The following GSK3B variants were observed in gnomAD, a reference collection of about 807,000 sequenced individuals.
The protein encoded by GSK3B is glycogen synthase kinase 3 beta.
A neutral mutation model predicts 56.4 loss-of-function variants in GSK3B; 15 were observed. The observed-to-expected ratio is 0.27, with a 90% CI of 0.18 to 0.41. GSK3B has a LOEUF of 0.41. Ranked by LOEUF, GSK3B falls within the 10% of genes least tolerant of loss-of-function variation. The pLI is 1.00. For missense variants in GSK3B, 300 were observed against 513.4 expected (o/e 0.58, Z 4.02); for synonymous variants, 181 against 188.9 (o/e 0.96, Z 0.34).
intron 2 of GSK3B, among the ~76,000 whole-genome samples, chr3:119,990,681 C>A (rs908439473): frequency 1.3e-5 from 2 of 152,208 alleles, no homozygotes; most frequent in African/African-American, 4.8e-5. Flanking sequence ...GTAATCCCAG[C>A]ACTTTGGGAG....
intron 1 of GSK3B, among the ~76,000 whole-genome samples, chr3:120,091,801 C>T (rs1052333795): frequency 6.6e-6 from 1 of 151,736 alleles, no homozygotes; most frequent in Non-Finnish European, 1.5e-5. Context: ...CCTACCCGGG[C>T]ATTCTCTACT....
At chr3:119,850,886 T>C (rs568849298) in intron 9 of GSK3B, among the ~76,000 whole-genome samples, 1 of 152,116 alleles carries the variant, frequency 6.6e-6, no homozygotes, top group East Asian at 1.9e-4. Context: ...AGGTCCATAA[T>C]GAAGTGGGAC....
intron 2 of GSK3B, among the ~76,000 whole-genome samples, chr3:119,985,338 G>A (rs1348985887): frequency 6.6e-6 from 1 of 152,132 alleles, no homozygotes; most frequent in African/African-American, 2.4e-5. Context: ...TCTGGTCAGG[G>A]CAATCAGGCA....
intron 2 of GSK3B, among the ~76,000 whole-genome samples, chr3:119,963,625 C>CAAAAAAAAAAAAAAAAAAAAAAAAAA (rs774359104): frequency 1.3e-5 from 1 of 79,192 alleles, no homozygotes; most frequent in African/African-American, 4.4e-5. Context: ...TTCTTCCCCA[C>CAAAAAAAAAAAAAAAAAAAAAAAAAA]AAAAAAAAAA....
chr3:119,875,293 G>C (rs1459255866), intron 8 of GSK3B, among the ~76,000 whole-genome samples: 1 of 152,094 alleles, frequency 6.6e-6, no homozygotes, highest in East Asian at 1.9e-4. Flanking sequence ...CTGATTAAGA[G>C]AGAGAGAGAG....
intron 2 of GSK3B, among the ~76,000 whole-genome samples, chr3:119,992,291 G>T (rs758730905): frequency 6.6e-6 from 1 of 152,056 alleles, no homozygotes; most frequent in Admixed American, 6.5e-5. Context: ...GAATAAAATG[G>T]AAAGTCCAGA....
chr3:119,967,558 A>G (rs1457201256), intron 2 of GSK3B, among the ~76,000 whole-genome samples: 1 of 152,188 alleles, frequency 6.6e-6, no homozygotes, highest in Non-Finnish European at 1.5e-5. Context: ...GACATATGTT[A>G]TCAATCAATG....
At chr3:119,870,891 T>C (rs2056242713) in intron 8 of GSK3B, among the ~76,000 whole-genome samples, 1 of 152,182 alleles carries the variant, frequency 6.6e-6, no homozygotes, top group Non-Finnish European at 1.5e-5. Flanking sequence ...TTTTATGCTT[T>C]CTGGAATACA....
chr3:120,079,966 CA>C (rs2058404114), intron 1 of GSK3B, among the ~76,000 whole-genome samples: 1 of 152,038 alleles, frequency 6.6e-6, no homozygotes, highest in Admixed American at 6.6e-5. Flanking sequence ...TTTTCAAAAC[CA>C]AATACAGAAA....
At chr3:119,855,747 C>G (rs1229298343) in intron 9 of GSK3B, among the ~76,000 whole-genome samples, 1 of 151,762 alleles carries the variant, frequency 6.6e-6, no homozygotes, top group Non-Finnish European at 1.5e-5. Context: ...CCAAACACTG[C>G]ATGTTCTCAC....
At chr3:119,947,193 G>A (rs2057109016) in intron 3 of GSK3B, 75 bp downstream of exon 3, 17 of 887,684 alleles carry the variant, frequency 1.9e-5, no homozygotes, top group Non-Finnish European at 3.0e-5. Context: ...CTGTCTATGA[G>A]CGGTGGGGAG....
chr3:120,085,362 A>C (rs2058455136), intron 1 of GSK3B, among the ~76,000 whole-genome samples: 1 of 152,162 alleles, frequency 6.6e-6, no homozygotes, highest in Non-Finnish European at 1.5e-5. Flanking sequence ...CCTGAATTCC[A>C]CTAGGGCAAA....
intron 2 of GSK3B, among the ~76,000 whole-genome samples, chr3:120,000,875 G>C (rs1055203253): frequency 2.0e-5 from 3 of 146,692 alleles, no homozygotes; most frequent in African/African-American, 7.5e-5. Flanking sequence ...AATATGGTTT[G>C]GATGTTTATC....
Position 119,843,331 on chromosome 3 carries a change from C to T in GSK3B, c.1119G>A (p.Leu373=). ...TTQELSSNPP[L]ATILIPPHAR... ...CATGAGGAGGAATAAGGATGGTAGCCAGAGGTGGATTACTTGACAGTTCTA... is the reference window on the plus strand; with the variant it reads ...CATGAGGAGGAATAAGGATGGTAGCTAGAGGTGGATTACTTGACAGTTCTA... Residue 373 remains leucine, a synonymous_variant, in exon 10 of 11, where the codon CTG becomes CTA. Coordinates refer to ENST00000264235, the MANE Select transcript of GSK3B (RefSeq NM_001146156.2). The T allele has an allele frequency of 1.2e-6, 2 of 1,608,494 alleles. No homozygotes were observed. Among genetic ancestry groups the T allele is most frequent in the Non-Finnish European group, 1.7e-6 (2 of 1,175,628 alleles).
At chr3:120,022,877 T>TTGG (rs1312689362) in intron 1 of GSK3B, among the ~76,000 whole-genome samples, 2 of 152,232 alleles carry the variant, frequency 1.3e-5, no homozygotes, top group African/African-American at 2.4e-5. Context: ...AATCCTCTTA[T>TTGG]TGGTGGGTCA....
chr3:119,851,537 GCAAT>G (rs1341828447), intron 9 of GSK3B, among the ~76,000 whole-genome samples: 1 of 152,130 alleles, frequency 6.6e-6, no homozygotes, highest in Non-Finnish European at 1.5e-5. Flanking sequence ...TTTGAGAGCA[GCAAT>G]CAATGTGTGA....
intron 3 of GSK3B, among the ~76,000 whole-genome samples, chr3:119,937,104 G>A (rs1424952144): frequency 1.3e-5 from 2 of 152,082 alleles, no homozygotes; most frequent in African/African-American, 4.8e-5. Flanking sequence ...ATTCACAAAT[G>A]TGTGGAAATT....
rs2055478040 is a variant in GSK3B, at chr3:119,824,929, C to T, written c.*1859G>A. On this transcript the variant is annotated 3_prime_UTR_variant, in exon 11 of 11. Transcript: ENST00000264235. ...GAGCAGGACAGGGTGCTAGGGCCTGCAGGAGGGCTGCCAACAGACTCCACT... is the reference window on the plus strand; with the variant it reads ...GAGCAGGACAGGGTGCTAGGGCCTGTAGGAGGGCTGCCAACAGACTCCACT... 1 of 180,988 alleles carries T rather than the reference C, an allele frequency of 5.5e-6. No individual in the cohort carries two copies. The highest frequency in any genetic ancestry group is 1.2e-5 in the Non-Finnish European group (1 of 84,732). The allele number at this position is 180,988 out of a possible 1,614,324, so 11.2% of individuals were successfully genotyped here.
intron 7 of GSK3B, among the ~76,000 whole-genome samples, chr3:119,898,352 C>T (rs963434851): frequency 3.9e-5 from 6 of 152,030 alleles, no homozygotes; most frequent in Non-Finnish European, 7.4e-5. Flanking sequence ...GAAAGCAAAG[C>T]AAAGGAATTG....
Sources: gnomAD v4.1 joint callset for allele counts (sites outside exome capture counted in the v4.1 genomes callset) on GRCh38, gnomAD v4.1.1 for gene constraint, MANE v1.5 for transcripts, NCBI Gene and HGNC (gene_info 2026-07-23, HGNC 2026-07-21) for gene names.